The following POLQ variants were observed in gnomAD, a reference collection of about 807,000 sequenced individuals.
POLQ encodes DNA polymerase theta, also known as epididymis secretory sperm binding protein.
Under a neutral mutation model 259.2 loss-of-function variants are expected in POLQ, and 233 were observed. That is an observed-to-expected ratio of 0.90 (90% CI 0.81 to 1.00). The LOEUF (loss-of-function observed/expected upper bound fraction) is 1.00, where lower values mean the gene tolerates loss of function less well. Ranked by LOEUF, POLQ falls within the 50% of genes least tolerant of loss-of-function variation. The pLI is 0.00. For missense variants in POLQ, 2,871 were observed against 3,051.6 expected (o/e 0.94, Z 1.39); for synonymous variants, 1,025 against 1,048.8 (o/e 0.98, Z 0.44).
At chr3:121,443,664 T>A (rs963211931) in intron 26 of POLQ, among the ~76,000 whole-genome samples, 2 of 152,214 alleles carry the variant, frequency 1.3e-5, no homozygotes, top group African/African-American at 2.4e-5. Flanking sequence ...GCTTAAGAAA[T>A]CTTTGCCCAG....
rs547147709 is a variant in POLQ, at chr3:121,447,452, C to T, written c.7264+1863G>A. Among the ~76,000 whole-genome samples, 86 of 152,090 alleles carry T rather than the reference C, an allele frequency of 5.7e-4. 1 individual carries two copies. The highest frequency in any genetic ancestry group is 1.9e-3 in the African/African-American group (79 of 41,504). ...TGCTGGGATTACAGGTGTGACCCAC[C>T]GCGCCTGGCCCACTTTTTAACTTTT... On this transcript the variant is annotated intron_variant, in intron 26 of 29. Transcript: ENST00000264233.
chr3:121,502,456 A>G (rs1314825546), intron 12 of POLQ, among the ~76,000 whole-genome samples: 1 of 152,196 alleles, frequency 6.6e-6, no homozygotes, highest in African/African-American at 2.4e-5. Flanking sequence ...CACCCGCCTC[A>G]GCCTACCGAA....
chr3:121,442,140 T>G (rs1178873276), intron 26 of POLQ, among the ~76,000 whole-genome samples: 2 of 152,192 alleles, frequency 1.3e-5, no homozygotes, highest in Non-Finnish European at 2.9e-5. Flanking sequence ...TACCTTGCTT[T>G]TACATTTTTC....
chr3:121,479,757 T>C (rs1055194570), intron 19 of POLQ, among the ~76,000 whole-genome samples: 1 of 152,088 alleles, frequency 6.6e-6, no homozygotes, highest in South Asian at 2.1e-4. Context: ...CCGGCTGCCT[T>C]ATATTCTTAA....
At chr3:121,519,470 T>C (rs1208453545) in intron 9 of POLQ, among the ~76,000 whole-genome samples, 1 of 147,248 alleles carries the variant, frequency 6.8e-6, no homozygotes, top group Non-Finnish European at 1.5e-5. Flanking sequence ...GGCCAGGAGA[T>C]CGAGACCATC....
At chr3:121,479,074 T>C (rs933993781) in intron 19 of POLQ, among the ~76,000 whole-genome samples, 2 of 152,196 alleles carry the variant, frequency 1.3e-5, no homozygotes, top group African/African-American at 2.4e-5. Context: ...TACAACCATG[T>C]ACTCGAACTA....
At chr3:121,482,060 C>G (rs932540061) in intron 18 of POLQ, among the ~76,000 whole-genome samples, 10 of 152,062 alleles carry the variant, frequency 6.6e-5, no homozygotes, top group Non-Finnish European at 1.3e-4. Flanking sequence ...ATGCTCAGGC[C>G]GATCCAGTTT....
At chr3:121,472,500 T>C (rs996529630) in intron 21 of POLQ, among the ~76,000 whole-genome samples, 8 of 152,338 alleles carry the variant, frequency 5.3e-5, no homozygotes, top group African/African-American at 1.9e-4. Flanking sequence ...CCTCCTTCGC[T>C]CCTCACATGA....
At position 121,487,437 on chromosome 3, in the gene POLQ, T is replaced by C; in HGVS notation, c.5494A>G (p.Ser1832Gly). Residue 1832 changes from serine (S) to glycine (G), a missense_variant, in exon 16 of 30, where the codon AGT becomes GGT. By Grantham distance (56) the Ser-to-Gly change is moderately conservative. Around this residue, in one of 3 missense-constraint regions of POLQ, gnomAD observed 2,080 missense variants for 2,126.0 expected, o/e 0.98. Transcript: ENST00000264233. ...AATGTTTGGAAAAGATTTTGGTCACTTGCTACATCAATTATGGACAAACTT... is the reference window on the plus strand; with the variant it reads ...AATGTTTGGAAAAGATTTTGGTCACCTGCTACATCAATTATGGACAAACTT... ...SESLSIIDVA[S>G]DQNLFQTFIK... is the part of the protein sequence containing the mutation. 1 of 1,614,110 alleles carries C rather than the reference T, an allele frequency of 6.2e-7. No individual in the cohort carries two copies. Among genetic ancestry groups the C allele is most frequent in the Non-Finnish European group, 8.5e-7 (1 of 1,179,984 alleles).
chr3:121,501,532 G>A (rs1216229959), intron 12 of POLQ, among the ~76,000 whole-genome samples: 3 of 150,136 alleles, frequency 2.0e-5, no homozygotes, highest in South Asian at 4.2e-4. Context: ...AGTGGCGGGC[G>A]CCTGTAGTCC....
At chr3:121,511,747 C>A (rs191950322) in intron 10 of POLQ, 140 bp downstream of exon 10, 9 of 631,630 alleles carry the variant, frequency 1.4e-5, no homozygotes, top group Non-Finnish European at 2.3e-5. Flanking sequence ...CATTGTACTC[C>A]GGCCTGGGTA....
At chr3:121,520,696 C>T (rs774488225) in intron 8 of POLQ, among the ~76,000 whole-genome samples, 1 of 152,180 alleles carries the variant, frequency 6.6e-6, no homozygotes, top group Non-Finnish European at 1.5e-5. Flanking sequence ...AGCAACAGAA[C>T]AAATGGGCAT....
chr3:121,443,103 G>A lies in POLQ; in HGVS notation c.7265-2987C>T, dbSNP rs367981082. Among the ~76,000 whole-genome samples the A allele has an allele frequency of 1.2e-4, 19 of 152,190 alleles. No homozygotes were observed. The South Asian group carries it at 2.9e-3, about 23-fold the overall frequency. Reference sequence around the variant, plus strand: ...AAACTCCTGACCTTGTGATCCACCCGCCTCAGCCTCCCAGAGTGTTGGGAT... The same window carrying A: ...AAACTCCTGACCTTGTGATCCACCCACCTCAGCCTCCCAGAGTGTTGGGAT... On this transcript the variant is annotated intron_variant, in intron 26 of 29. Coordinates refer to ENST00000264233, the MANE Select transcript of POLQ (RefSeq NM_199420.4).
intron 2 of POLQ, among the ~76,000 whole-genome samples, chr3:121,542,901 C>T (rs904805251): frequency 6.6e-6 from 1 of 151,882 alleles, no homozygotes; most frequent in Non-Finnish European, 1.5e-5. Flanking sequence ...GCAGGAGAAT[C>T]ACTTGAACCC....
rs144555634 is a variant in POLQ, at chr3:121,440,738, C to T, written c.7265-622G>A. The stretch of plus-strand genomic sequence containing the variant: ...ATTCCAGGATCTTAAGACTATTCCA[C>T]ATCACTTTTCACAAGTGTCTGTTGA... On this transcript the variant is annotated intron_variant, in intron 26 of 29. Coordinates refer to ENST00000264233, the MANE Select transcript of POLQ (RefSeq NM_199420.4). Among the ~76,000 whole-genome samples the T allele has an allele frequency of 3.3e-4, 50 of 152,242 alleles. 1 individual carries two copies. In the East Asian group the frequency reaches 8.7e-3, roughly 26 times the overall value.
At chr3:121,432,533 G>A in intron 29 of POLQ, 116 bp from the exon 30 acceptor site, 1 of 924,494 alleles carries the variant, frequency 1.1e-6, no homozygotes, top group Non-Finnish European at 1.5e-6. Flanking sequence ...TGCTTAAAAT[G>A]CTAAATCAGA....
In POLQ at chr3:121,441,656, G is replaced by T. The variant is rs72969949; in HGVS notation, c.7265-1540C>A. Among the ~76,000 whole-genome samples the T allele has an allele frequency of 3.3e-3, 501 of 152,276 alleles. 5 individuals carry two copies. The highest frequency in any genetic ancestry group is 0.011 in the African/African-American group (476 of 41,548). On this transcript the variant is annotated intron_variant, in intron 26 of 29. Coordinates refer to ENST00000264233, the MANE Select transcript of POLQ (RefSeq NM_199420.4). ...TTTCCTGTTGATAGACATGTGGCCT[G>T]TTCTCAGAATCTGGCTGTTGTGAAT...
chr3:121,491,346 C>CAAAAAAAAAAAAAAAAAA (rs3045625), intron 15 of POLQ, among the ~76,000 whole-genome samples: 28 of 77,980 alleles, frequency 3.6e-4, no homozygotes, highest in Admixed American at 5.6e-4. Context: ...GAGACTGTCA[C>CAAAAAAAAAAAAAAAAAA]AAAAAAAAAA....
Position 121,481,822 on chromosome 3 carries a change from A to G in POLQ, c.5971-10T>C. ...GTAACCAGCATGCCACCTGAATGGGATAGCAATGAGAATATTTTCCTGATT... is the reference window on the plus strand; with the variant it reads ...GTAACCAGCATGCCACCTGAATGGGGTAGCAATGAGAATATTTTCCTGATT... On this transcript the variant is annotated splice_polypyrimidine_tract_variant and intron_variant, in intron 18 of 29. Transcript: ENST00000264233. The G allele has an allele frequency of 6.3e-7, 1 of 1,587,712 alleles. No homozygotes were observed. The highest frequency in any genetic ancestry group is 8.6e-7 in the Non-Finnish European group (1 of 1,165,382).
Sources: allele counts gnomAD v4.1 joint callset (sites outside exome capture counted in the v4.1 genomes callset), GRCh38; gene constraint gnomAD v4.1.1; regional missense constraint gnomAD v4.1.1; transcripts MANE v1.5; gene names NCBI Gene and HGNC (gene_info 2026-07-23, HGNC 2026-07-21).